The following CDK14 variants were observed in gnomAD, a reference collection of about 807,000 sequenced individuals.
CDK14 encodes cyclin-dependent kinase 14.
In CDK14, 34 loss-of-function variants were observed where a neutral mutation model predicts 60.7. The observed-to-expected ratio is 0.56, with a 90% CI of 0.43 to 0.75. CDK14 has a LOEUF of 0.75. Ranked by LOEUF, CDK14 falls within the 30% of genes least tolerant of loss-of-function variation. CDK14 has a pLI of 0.00. For missense variants in CDK14, 482 were observed against 564.1 expected (o/e 0.85, Z 1.47); for synonymous variants, 197 against 203.7 (o/e 0.97, Z 0.28).
intron 14 of CDK14, among the ~76,000 whole-genome samples, chr7:91,158,579 G>T (rs1801063594): frequency 6.6e-6 from 1 of 152,112 alleles, no homozygotes. Context: ...GTCACAATTT[G>T]CATTTTAATG....
At chr7:90,601,909 C>T (rs1037531928) in intron 1 of CDK14, among the ~76,000 whole-genome samples, 153 of 148,010 alleles carry the variant, frequency 1.0e-3, no homozygotes, top group African/African-American at 3.6e-3. Context: ...ACCACCACCA[C>T]GCTTGGCTAA....
At chr7:91,187,794 A>G (rs1802236159) in intron 14 of CDK14, among the ~76,000 whole-genome samples, 2 of 152,212 alleles carry the variant, frequency 1.3e-5, no homozygotes, top group Non-Finnish European at 1.5e-5. Context: ...TGGTTCGACC[A>G]AGTGTGACAT....
chr7:90,835,786 A>G (rs893618086), intron 5 of CDK14, among the ~76,000 whole-genome samples: 2 of 152,168 alleles, frequency 1.3e-5, no homozygotes, highest in Non-Finnish European at 2.9e-5. Flanking sequence ...AGGTGATTCC[A>G]TCTTTGTGCA....
At chr7:90,640,064 GTGCTTCCCGAGTGAGGCAGTGCCTCGCCC>G (rs1563026092) in intron 2 of CDK14, among the ~76,000 whole-genome samples, 1 of 152,128 alleles carries the variant, frequency 6.6e-6, no homozygotes, top group Non-Finnish European at 1.5e-5. Flanking sequence ...CTGACCCCTT[GTGCTTCCCGAGTGAGGCAGTGCCTCGCCC>G]TGCTTCAGCT....
chr7:91,044,468 G>A (rs1057140309), intron 10 of CDK14, among the ~76,000 whole-genome samples: 2 of 152,142 alleles, frequency 1.3e-5, no homozygotes, highest in Non-Finnish European at 2.9e-5. Context: ...GACTTACAAA[G>A]TCTGTCCTAT....
chr7:90,778,846 ACCTTCCTTCCTTCCTTCCTTCCTTCCTT>A (rs35971285), intron 4 of CDK14, among the ~76,000 whole-genome samples: 2 of 127,864 alleles, frequency 1.6e-5, no homozygotes, highest in Non-Finnish European at 3.3e-5. Context: ...AAATTGACCG[ACCTTCCTTCCTTCCTTCCTTCCTTCCTT>A]CCTTCCTTCC....
intron 10 of CDK14, among the ~76,000 whole-genome samples, chr7:91,017,039 C>A (rs113960094): frequency 6.6e-6 from 1 of 152,200 alleles, no homozygotes; most frequent in Non-Finnish European, 1.5e-5. Flanking sequence ...TCTTGAGCCC[C>A]CAGTGGTGTT....
chr7:90,911,174 C>T (rs943451030), intron 7 of CDK14, among the ~76,000 whole-genome samples: 1 of 152,136 alleles, frequency 6.6e-6, no homozygotes, highest in African/African-American at 2.4e-5. Flanking sequence ...GTATAATACA[C>T]TTAGCAAAAT....
intron 3 of CDK14, among the ~76,000 whole-genome samples, chr7:90,744,474 A>G (rs544673127): frequency 6.6e-6 from 1 of 152,336 alleles, no homozygotes; most frequent in Admixed American, 6.5e-5. Context: ...CCGCCTTTCT[A>G]TTCCACAAAA....
At chr7:90,850,101 C>T (rs1344181292) in intron 5 of CDK14, among the ~76,000 whole-genome samples, 3 of 151,908 alleles carry the variant, frequency 2.0e-5, no homozygotes, top group African/African-American at 7.3e-5. Flanking sequence ...TATTTCTTTG[C>T]TTCTTTTTAA....
chr7:90,954,983 G>A, intron 8 of CDK14, among the ~76,000 whole-genome samples: 1 of 150,726 alleles, frequency 6.6e-6, no homozygotes, highest in African/African-American at 2.4e-5. Flanking sequence ...CTGTGCATGA[G>A]TATTTATGGT....
chr7:90,623,715 T>A (rs533644872), intron 2 of CDK14, among the ~76,000 whole-genome samples: 1 of 152,314 alleles, frequency 6.6e-6, no homozygotes, highest in East Asian at 1.9e-4. Flanking sequence ...GAGCCATCCC[T>A]CAGAGGTTTG....
chr7:90,836,170 T>C (rs1243782754), intron 5 of CDK14, among the ~76,000 whole-genome samples: 1 of 152,182 alleles, frequency 6.6e-6, no homozygotes, highest in Non-Finnish European at 1.5e-5. Context: ...TTAAAAACTT[T>C]TTCTTCAATA....
At chr7:91,036,483 T>A (rs1584254064) in intron 10 of CDK14, among the ~76,000 whole-genome samples, 2 of 152,148 alleles carry the variant, frequency 1.3e-5, no homozygotes, top group South Asian at 4.1e-4. Flanking sequence ...ATTAAAGTTA[T>A]ACCAAATGTG....
intron 10 of CDK14, among the ~76,000 whole-genome samples, chr7:91,021,183 T>G (rs1163943873): frequency 2.0e-5 from 3 of 152,152 alleles, no homozygotes; most frequent in African/African-American, 7.2e-5. Context: ...CCATATACTA[T>G]CAACTAGAAG....
intron 12 of CDK14, among the ~76,000 whole-genome samples, chr7:91,110,059 C>T (rs926663914): frequency 2.0e-5 from 3 of 152,024 alleles, no homozygotes; most frequent in African/African-American, 4.8e-5. Flanking sequence ...ATAATGTACA[C>T]GTATGACTTC....
Position 90,747,697 on chromosome 7 carries a change from T to C in CDK14, c.386T>C (p.Phe129Ser). The change falls in exon 4 of 15, where the codon TTT becomes TCT. Residue 129 changes from phenylalanine (F) to serine (S), a missense_variant. Phe to Ser is a radical substitution (Grantham distance 155). Coordinates refer to ENST00000380050, the MANE Select transcript of CDK14 (RefSeq NM_001287135.2). The part of the protein sequence containing the change: ...SSPSSPTSPK[F>S]GKADSYEKLE... ...CATTTTTAGCCAACAAGTCCCAAATTTGGAAAAGCTGACTCATATGAAAAG... is the reference window on the plus strand; with the variant it reads ...CATTTTTAGCCAACAAGTCCCAAATCTGGAAAAGCTGACTCATATGAAAAG... The C allele has an allele frequency of 6.3e-7, 1 of 1,597,206 alleles. No individual in the cohort carries two copies. The highest frequency in any genetic ancestry group is 8.5e-7 in the Non-Finnish European group (1 of 1,173,806).
At chr7:90,963,094 T>TGTGTGC (rs1562847369) in intron 9 of CDK14, among the ~76,000 whole-genome samples, 3 of 135,312 alleles carry the variant, frequency 2.2e-5, no homozygotes, top group Non-Finnish European at 4.5e-5. Context: ...AGAGTGTGTG[T>TGTGTGC]GTGTGTGTGT....
intron 2 of CDK14, among the ~76,000 whole-genome samples, chr7:90,666,876 ATC>A (rs1800990307): frequency 6.6e-6 from 1 of 152,162 alleles, no homozygotes; most frequent in African/African-American, 2.4e-5. Flanking sequence ...TTGTATCGCA[ATC>A]TCTTTCAATA....
Sources: allele counts gnomAD v4.1 joint callset (sites outside exome capture counted in the v4.1 genomes callset), GRCh38; gene constraint gnomAD v4.1.1; transcripts MANE v1.5; gene names NCBI Gene and HGNC (gene_info 2026-07-23, HGNC 2026-07-21).